The following PLXDC2 variants were observed in gnomAD, a reference collection of about 807,000 sequenced individuals.
PLXDC2 encodes the protein plexin domain containing 2.
PLXDC2 carries 40 observed loss-of-function variants against 68.9 expected under a neutral mutation model. That is an observed-to-expected ratio of 0.58 (90% CI 0.45 to 0.76). The LOEUF (loss-of-function observed/expected upper bound fraction) is 0.76, where lower values mean the gene tolerates loss of function less well. PLXDC2 is among the 30% of genes least tolerant of loss of function. PLXDC2 has a pLI of 0.00. For synonymous variants in PLXDC2, 243 were observed against 234.2 expected (o/e 1.04, Z -0.34); for missense variants, 644 against 661.9 (o/e 0.97, Z 0.30).
rs953462063 is a variant in PLXDC2, at chr10:19,857,756, C to T, written c.112+40565C>T. Among the ~76,000 whole-genome samples, 12 of 152,094 alleles carry T rather than the reference C, an allele frequency of 7.9e-5. No homozygotes were observed. The South Asian group carries it at 1.0e-3, about 13-fold the overall frequency. On this transcript the variant is annotated intron_variant, in intron 1 of 13. Coordinates refer to ENST00000377252, the MANE Select transcript of PLXDC2 (RefSeq NM_032812.9). ...CTCCATTCCCTTCAGTGGCTGGACA[C>T]GCTTGGGTTCTGAAGTATTATTTGT... is the stretch of plus-strand genomic sequence containing the variant.
At chr10:20,130,743 G>T (rs187612119) in intron 4 of PLXDC2, among the ~76,000 whole-genome samples, 1 of 152,160 alleles carries the variant, frequency 6.6e-6, no homozygotes, top group Admixed American at 6.5e-5. Flanking sequence ...CATATATCGA[G>T]ATGATCATAT....
intron 12 of PLXDC2, among the ~76,000 whole-genome samples, chr10:20,237,096 G>A (rs951333113): frequency 4.0e-5 from 6 of 151,662 alleles, no homozygotes; most frequent in Non-Finnish European, 7.4e-5. Flanking sequence ...CCCGATAGTA[G>A]GACAGACTGT....
At chr10:20,135,140 A>G (rs1259374195) in intron 4 of PLXDC2, among the ~76,000 whole-genome samples, 2 of 152,212 alleles carry the variant, frequency 1.3e-5, no homozygotes, top group Non-Finnish European at 2.9e-5. Flanking sequence ...CTGAGAGTGG[A>G]CAAGTACTGG....
intron 6 of PLXDC2, 130 bp downstream of exon 6, chr10:20,148,032 G>T (rs922535837): frequency 6.0e-6 from 4 of 663,822 alleles, no homozygotes; most frequent in Non-Finnish European, 1.0e-5. Flanking sequence ...GGTTTCCTTT[G>T]CTTAATAAAA....
chr10:20,016,758 T>A (rs761323008), intron 2 of PLXDC2, among the ~76,000 whole-genome samples: 22 of 152,232 alleles, frequency 1.4e-4, no homozygotes, highest in Non-Finnish European at 2.5e-4. Context: ...TTCTTCCTTC[T>A]TCTCCTGTGT....
intron 1 of PLXDC2, among the ~76,000 whole-genome samples, chr10:19,830,183 A>G (rs1355925665): frequency 3.3e-5 from 5 of 152,188 alleles, no homozygotes; most frequent in Admixed American, 6.5e-5. Flanking sequence ...AAGGAGTCCA[A>G]CTGGGAAACA....
At chr10:20,065,213 A>G (rs1002984359) in intron 3 of PLXDC2, among the ~76,000 whole-genome samples, 1 of 152,200 alleles carries the variant, frequency 6.6e-6, no homozygotes, top group African/African-American at 2.4e-5. Flanking sequence ...TGTATGTACC[A>G]CAGACAAGAG....
chr10:20,265,614 A>G (rs1269414838), intron 13 of PLXDC2, among the ~76,000 whole-genome samples: 3 of 152,202 alleles, frequency 2.0e-5, no homozygotes, highest in African/African-American at 7.2e-5. Context: ...TTAGTATTGT[A>G]TATATTGGCA....
intron 1 of PLXDC2, among the ~76,000 whole-genome samples, chr10:19,869,336 A>G (rs1837487336): frequency 6.6e-6 from 1 of 151,624 alleles, no homozygotes; most frequent in African/African-American, 2.4e-5. Flanking sequence ...AGGTGGGAGG[A>G]TGGCTGGAGC....
At chr10:19,958,189 CT>C (rs1223098997) in intron 1 of PLXDC2, among the ~76,000 whole-genome samples, 1 of 152,000 alleles carries the variant, frequency 6.6e-6, no homozygotes, top group Non-Finnish European at 1.5e-5. Context: ...TAACAACCTA[CT>C]TCTTTATCAC....
At chr10:19,948,255 TCTC>T (rs942431189) in intron 1 of PLXDC2, among the ~76,000 whole-genome samples, 1 of 152,148 alleles carries the variant, frequency 6.6e-6, no homozygotes, top group African/African-American at 2.4e-5. Context: ...AGAGCTGTGT[TCTC>T]CTTCCTATTG....
chr10:20,179,187 C>G (rs1834568104), intron 9 of PLXDC2, among the ~76,000 whole-genome samples: 1 of 152,092 alleles, frequency 6.6e-6, no homozygotes, highest in African/African-American at 2.4e-5. Context: ...ATCACCTCGT[C>G]CAAGTCTGCA....
At chr10:20,181,615 C>T (rs903872561) in intron 9 of PLXDC2, among the ~76,000 whole-genome samples, 2 of 151,934 alleles carry the variant, frequency 1.3e-5, no homozygotes, top group East Asian at 3.9e-4. Context: ...TTGAATGGCC[C>T]ACGCACTGGC....
chr10:19,982,415 A>G (rs937890619), intron 1 of PLXDC2, among the ~76,000 whole-genome samples: 23 of 152,210 alleles, frequency 1.5e-4, no homozygotes, highest in Non-Finnish European at 7.3e-5. Flanking sequence ...CTTCTAGGAT[A>G]TCATAGACTC....
chr10:20,038,818 C>T (rs183438351), intron 2 of PLXDC2, among the ~76,000 whole-genome samples: 1 of 152,186 alleles, frequency 6.6e-6, no homozygotes, highest in South Asian at 2.1e-4. Context: ...TATAGGTCAC[C>T]TTCTAAGGTA....
intron 12 of PLXDC2, among the ~76,000 whole-genome samples, chr10:20,238,662 A>AAAAATATATATATATGTATATAT (rs1175526348): frequency 1.2e-3 from 38 of 31,698 alleles, no homozygotes; most frequent in African/African-American, 3.8e-3. Context: ...TCTCAAAAAA[A>AAAAATATATATATATGTATATAT]ATATATATAT....
At chr10:19,964,747 T>G (rs1448686034) in intron 1 of PLXDC2, among the ~76,000 whole-genome samples, 3 of 152,078 alleles carry the variant, frequency 2.0e-5, no homozygotes, top group Admixed American at 1.3e-4. Flanking sequence ...TTTTGTTTTT[T>G]TTTTCTTCAC....
intron 2 of PLXDC2, among the ~76,000 whole-genome samples, chr10:20,025,742 T>C (rs530495376): frequency 6.6e-5 from 10 of 152,288 alleles, no homozygotes; most frequent in African/African-American, 2.2e-4. Context: ...TGTAGTTGTC[T>C]GTTTTTTACT....
chr10:20,223,977 T>G (rs935943469), intron 12 of PLXDC2, among the ~76,000 whole-genome samples: 1 of 88,852 alleles, frequency 1.1e-5, no homozygotes, highest in African/African-American at 8.3e-5. Flanking sequence ...AATGTATTTT[T>G]TTTTTTTTTT....
Sources: allele counts gnomAD v4.1 joint callset (sites outside exome capture counted in the v4.1 genomes callset), GRCh38; gene constraint gnomAD v4.1.1; transcripts MANE v1.5; gene names NCBI Gene and HGNC (gene_info 2026-07-23, HGNC 2026-07-21).